TBC1D19: variants seen among roughly 807,000 people sequenced by gnomAD.
TBC1D19 encodes TBC1 domain family, member 19.
A neutral mutation model predicts 89.0 loss-of-function variants in TBC1D19; 60 were observed. The ratio of observed to expected loss-of-function variants is 0.67; its 90% CI spans 0.55 to 0.84. TBC1D19 has a LOEUF of 0.84. TBC1D19 is among the 40% of genes least tolerant of loss of function. The pLI, the probability that TBC1D19 is intolerant of heterozygous loss-of-function variation, is 0.00. For missense variants in TBC1D19, 500 were observed against 610.8 expected, an observed-to-expected ratio of 0.82 and a Z score of 1.91; for synonymous variants, 189 against 199.7, an observed-to-expected ratio of 0.95 and a Z score of 0.45.
At chr4:26,746,323 T>G (rs948279809) in intron 18 of TBC1D19, among the ~76,000 whole-genome samples, 4 of 151,442 alleles carry the variant, frequency 2.6e-5, no homozygotes, top group Non-Finnish European at 5.9e-5. Context: ...CCTTCCTGTC[T>G]CAGCCTCCGA....
chr4:26,614,112 A>G (rs1168433408), intron 2 of TBC1D19, among the ~76,000 whole-genome samples: 1 of 152,186 alleles, frequency 6.6e-6, no homozygotes, highest in Non-Finnish European at 1.5e-5. Flanking sequence ...TTTGACATTC[A>G]TTGAGCACTT....
chr4:26,844,846 T>C, the TBC1D19 span, among the ~76,000 whole-genome samples: 2 of 152,212 alleles, frequency 1.3e-5, no homozygotes, highest in Non-Finnish European at 2.9e-5. Flanking sequence ...AGTTCTTGTG[T>C]GGGTGGAAGG....
chr4:26,725,515 G>C (rs909134997), intron 15 of TBC1D19, among the ~76,000 whole-genome samples: 1 of 152,014 alleles, frequency 6.6e-6, no homozygotes, highest in African/African-American at 2.4e-5. Flanking sequence ...GGGCTTAAGT[G>C]ATCCTCCCAC....
chr4:26,736,455 T>G (rs2109307623), intron 16 of TBC1D19, among the ~76,000 whole-genome samples: 1 of 149,084 alleles, frequency 6.7e-6, no homozygotes, highest in Non-Finnish European at 1.5e-5. Context: ...GATGACAAGT[T>G]AGTGGGTGCA....
chr4:26,731,871 C>T (rs1717681313), intron 15 of TBC1D19, among the ~76,000 whole-genome samples: 1 of 151,896 alleles, frequency 6.6e-6, no homozygotes, highest in Non-Finnish European at 1.5e-5. Context: ...GATGGGAAAC[C>T]ATTTGCGAGA....
intron 18 of TBC1D19, among the ~76,000 whole-genome samples, chr4:26,744,993 CTA>C (rs1718570368): frequency 6.6e-6 from 1 of 152,062 alleles, no homozygotes; most frequent in Non-Finnish European, 1.5e-5. Flanking sequence ...TGGATTTTGT[CTA>C]TGTCTTCCTT....
At chr4:26,605,408 A>T (rs1426261804) in intron 1 of TBC1D19, among the ~76,000 whole-genome samples, 6 of 151,628 alleles carry the variant, frequency 4.0e-5, no homozygotes, top group Non-Finnish European at 7.4e-5. Flanking sequence ...GCTGCATAGT[A>T]TTCCATGGTG....
chr4:26,701,606 G>A (rs895584818), intron 13 of TBC1D19, among the ~76,000 whole-genome samples: 15 of 152,154 alleles, frequency 9.9e-5, no homozygotes, highest in African/African-American at 3.4e-4. Context: ...AAAGCTTAAT[G>A]TTAGTAATTT....
In TBC1D19 at chr4:26,717,970, G is replaced by A. The variant is rs1023191689; in HGVS notation, c.992G>A (p.Ser331Asn). The change falls in exon 14 of 21, where the codon AGT becomes AAT. Residue 331 changes from serine to asparagine, a missense_variant. Transcript: ENST00000264866. The stretch of plus-strand genomic sequence containing the variant: ...TTTTCCCGGGATACATCTGTGTTGA[G>A]TCACTTTGCATTCAACAGTGCCTCG... ...LCFSRDTSVLSHFAFNSASPP... is the reference protein window; with the variant it reads ...LCFSRDTSVLNHFAFNSASPP... 6.2e-7 allele frequency: 1 copy of A among 1,611,894 alleles called. No homozygotes were observed. The highest frequency in any genetic ancestry group is 1.3e-5 in the African/African-American group (1 of 74,756).
At chr4:26,842,583 C>CCTTT in the TBC1D19 span, among the ~76,000 whole-genome samples, 6,821 of 70,196 alleles carry the variant, frequency 0.097, 369 homozygotes, top group South Asian at 0.14. Context: ...TTCCTCCCTC[C>CCTTT]CTTTCTTTCT....
chr4:26,676,497 C>T (rs938109618), intron 11 of TBC1D19, among the ~76,000 whole-genome samples: 113 of 152,076 alleles, frequency 7.4e-4, no homozygotes, highest in Non-Finnish European at 2.6e-4. Flanking sequence ...CCAGGTGAAT[C>T]ACCTGATTTT....
downstream of TBC1D19, among the ~76,000 whole-genome samples, chr4:26,759,182 T>C (rs902330871): frequency 2.0e-4 from 31 of 152,210 alleles, no homozygotes; most frequent in African/African-American, 7.0e-4. Context: ...TGTCTTTCAC[T>C]CCCACTAGAC....
At chr4:26,823,159 C>G in the TBC1D19 span, among the ~76,000 whole-genome samples, 1 of 152,200 alleles carries the variant, frequency 6.6e-6, no homozygotes, top group Non-Finnish European at 1.5e-5. Flanking sequence ...ACATGGATGG[C>G]AACAGGCAAA....
chr4:26,858,762 T>G, the TBC1D19 span: 5 of 152,366 alleles, frequency 3.3e-5, no homozygotes, highest in South Asian at 1.0e-3. Flanking sequence ...TTCCTGGCCT[T>G]GGTCTTTTGA....
At chr4:26,838,273 A>C in the TBC1D19 span, among the ~76,000 whole-genome samples, 1 of 152,162 alleles carries the variant, frequency 6.6e-6, no homozygotes, top group East Asian at 1.9e-4. Context: ...CTGACTTGCA[A>C]GTTTGGATTT....
chr4:26,726,174 CACACAT>C (rs1717309817), intron 15 of TBC1D19, among the ~76,000 whole-genome samples: 1 of 120,896 alleles, frequency 8.3e-6, no homozygotes, highest in Non-Finnish European at 1.8e-5. Context: ...CACACACACA[CACACAT>C]CAGGAAACAT....
At chr4:26,647,153 C>T (rs759125692) in intron 7 of TBC1D19, among the ~76,000 whole-genome samples, 19 of 151,908 alleles carry the variant, frequency 1.3e-4, no homozygotes, top group Non-Finnish European at 2.5e-4. Context: ...TGATCAGATA[C>T]GGGGTCTATG....
Position 26,666,039 on chromosome 4 carries a change from C to T in TBC1D19, c.592-294C>T, listed in dbSNP as rs181115809. Among the ~76,000 whole-genome samples, 209 of 151,622 alleles carry T rather than the reference C, an allele frequency of 1.4e-3. 1 individual carries two copies. The highest frequency in any genetic ancestry group is 4.9e-3 in the African/African-American group (204 of 41,364). Reference sequence around the variant, plus strand: ...TAAACATTATATGTTTGTGTCTTTCCCATTATATATTTATATTTCCTAAAT... The same window carrying T: ...TAAACATTATATGTTTGTGTCTTTCTCATTATATATTTATATTTCCTAAAT... On this transcript the variant is annotated intron_variant, in intron 8 of 20. Transcript: ENST00000264866.
At chr4:26,703,691 T>C (rs1045864282) in intron 13 of TBC1D19, among the ~76,000 whole-genome samples, 3 of 151,456 alleles carry the variant, frequency 2.0e-5, no homozygotes, top group Admixed American at 1.3e-4. Context: ...CGGTGGCTCA[T>C]GCCTGTAATC....
Sources: allele counts gnomAD v4.1 joint callset (sites outside exome capture counted in the v4.1 genomes callset), GRCh38; gene constraint gnomAD v4.1.1; transcripts MANE v1.5; gene names NCBI Gene and HGNC (gene_info 2026-07-23, HGNC 2026-07-21).